Variants in PIK3R6 observed in about 807,000 individuals in gnomAD.
PIK3R6 encodes phosphoinositide 3-kinase regulatory subunit 6.
A neutral mutation model predicts 84.9 loss-of-function variants in PIK3R6; 91 were observed. The observed-to-expected ratio is 1.07, with a 90% CI of 0.90 to 1.28. The LOEUF is 1.28. Among genes scored for constraint, PIK3R6 ranks in the 50% most tolerant of loss-of-function variants. The pLI, the probability that PIK3R6 is intolerant of heterozygous loss-of-function variation, is 0.00. For synonymous variants in PIK3R6, 416 were observed against 411.4 expected (o/e 1.01, Z -0.13); for missense variants, 996 against 985.1 (o/e 1.01, Z -0.15).
At position 8,838,648 on chromosome 17, in the gene PIK3R6, C is replaced by T. The variant is rs756124446; in HGVS notation, c.105G>A (p.Trp35Ter). The T allele has an allele frequency of 9.3e-5, 149 of 1,600,092 alleles. No homozygotes were observed. The highest frequency in any genetic ancestry group is 2.6e-4 in the Admixed American group (15 of 58,016). The change falls in exon 4 of 20, where the codon TGG becomes TGA. Residue 35 changes from tryptophan (W) to a stop codon, truncating the protein, a stop_gained. Coordinates refer to ENST00000619866, the MANE Select transcript of PIK3R6 (RefSeq NM_001010855.4). LOFTEE classifies it high-confidence loss of function. ...CGACCTTCTTGTGCAGGGACCACCT[C>T]CACATGCCTGGGCCAGGAGAAAGGG... is the stretch of plus-strand genomic sequence containing the variant. ...APALQSNQGM[W>*]RWSLHKKVER...
In PIK3R6 at chr17:8,839,270, C is replaced by A. The variant is rs1163020125; in HGVS notation, c.97+344G>T. The stretch of plus-strand genomic sequence containing the variant: ...GGCTGAGGCAGGAGGATCGCTTGAA[C>A]CAGGGAGGCAGAGGTTGTGGTGAGC... On this transcript the variant is annotated intron_variant, in intron 3 of 19. Transcript: ENST00000619866. This position sits in a 1 kb window ranked among gnomAD's most constrained non-coding sequence, Gnocchi z 4.2. 6.6e-6 allele frequency among the ~76,000 whole-genome samples: 1 copy of A among 152,100 alleles called. No homozygotes were observed. Among genetic ancestry groups the A allele is most frequent in the Admixed American group, 6.5e-5 (1 of 15,284 alleles).
rs763083806 is a variant in PIK3R6, at chr17:8,836,824, CG to C, written c.357del (p.Cys119TrpfsTer3). On this transcript the variant is annotated frameshift_variant, in exon 6 of 20. Coordinates refer to ENST00000619866, the MANE Select transcript of PIK3R6 (RefSeq NM_001010855.4). LOFTEE classifies it high-confidence loss of function. ...GCCATCTCCGTTTTCAGCCTTATCG[CG>C]CAGTCCAAGGCGACTGTGCAGTAGG... is the stretch of plus-strand genomic sequence containing the variant. ...PTPYCTVALDCAIRLKTEMAV... is the reference protein window; with the variant it reads ...PTPYCTVALDXAIRLKTEMAV... 1 of 1,603,042 alleles carries C rather than the reference CG, an allele frequency of 6.2e-7. No homozygotes were observed. Among genetic ancestry groups the C allele is most frequent in the East Asian group, 2.2e-5 (1 of 44,564 alleles).
Position 8,828,907 on chromosome 17 carries a change from G to A in PIK3R6, c.973C>T (p.Arg325Trp), listed in dbSNP as rs1483588303. The A allele has an allele frequency of 4.5e-6, 7 of 1,549,182 alleles. No homozygotes were observed. The highest frequency in any genetic ancestry group is 4.1e-5 in the Admixed American group (2 of 49,268). ...DLEVLDLQGL[R>W]PDRELARVSV... ...ACCCGGGCCAACTCCCGGTCCGGCCGGAGGCCCTGCAGATCCAAGACCTCC... is the reference window on the plus strand; with the variant it reads ...ACCCGGGCCAACTCCCGGTCCGGCCAGAGGCCCTGCAGATCCAAGACCTCC... Residue 325 changes from arginine to tryptophan, a missense_variant, in exon 11 of 20, where the codon CGG becomes TGG. Physicochemically the swap from Arg to Trp is moderately radical, Grantham distance 101. Coordinates refer to ENST00000619866, the MANE Select transcript of PIK3R6 (RefSeq NM_001010855.4).
intron 18 of PIK3R6, among the ~76,000 whole-genome samples, chr17:8,809,283 C>T (rs1371870693): frequency 6.6e-6 from 1 of 152,086 alleles, no homozygotes; most frequent in African/African-American, 2.4e-5. Context: ...ACAGGTCCTA[C>T]AAGAAATGCT....
At chr17:8,806,308 T>G (rs2081223679) in intron 18 of PIK3R6, among the ~76,000 whole-genome samples, 1 of 152,214 alleles carries the variant, frequency 6.6e-6, no homozygotes, top group Admixed American at 6.5e-5. Context: ...GCTCTCTGAC[T>G]CTCAACTTGG....
intron 8 of PIK3R6, 41 bp from the exon 9 acceptor site, chr17:8,833,086 G>A (rs1274654703): frequency 2.0e-6 from 3 of 1,508,408 alleles, no homozygotes; most frequent in African/African-American, 2.8e-5. Flanking sequence ...TTGGCCCAGC[G>A]CCCACGCACC....
chr17:8,856,441 A>C (rs1367874757), intron 1 of PIK3R6, among the ~76,000 whole-genome samples: 1 of 152,212 alleles, frequency 6.6e-6, no homozygotes, highest in African/African-American at 2.4e-5. Context: ...GTCTCTAATA[A>C]AAATACAAAA....
intron 2 of PIK3R6, among the ~76,000 whole-genome samples, chr17:8,847,817 T>A (rs2088848400): frequency 6.8e-6 from 1 of 146,274 alleles, no homozygotes; most frequent in African/African-American, 2.5e-5. Context: ...AAAAAAAAAA[T>A]CATAATGTGG....
intron 1 of PIK3R6, among the ~76,000 whole-genome samples, chr17:8,852,649 G>T (rs896980736): frequency 1.3e-5 from 2 of 151,200 alleles, no homozygotes; most frequent in African/African-American, 4.9e-5. Context: ...TGAGGTAGGA[G>T]AATCACTTGA....
At chr17:8,852,107 G>T (rs984009292) in intron 1 of PIK3R6, among the ~76,000 whole-genome samples, 1 of 152,208 alleles carries the variant, frequency 6.6e-6, no homozygotes, top group African/African-American at 2.4e-5. Flanking sequence ...GTATGACAGA[G>T]GTTACCAGGG....
chr17:8,814,636 A>G (rs77640081), intron 18 of PIK3R6, among the ~76,000 whole-genome samples: 4,020 of 152,304 alleles, frequency 0.026, 72 homozygotes, highest in Middle Eastern at 0.048. Flanking sequence ...GAAATGACAA[A>G]GAAGGACAAT....
chr17:8,829,821 A>G, intron 9 of PIK3R6, 29 bp from the exon 10 acceptor site: 1 of 1,535,842 alleles, frequency 6.5e-7, no homozygotes, highest in Non-Finnish European at 8.8e-7. Flanking sequence ...TGTGGAGGCC[A>G]TGGAGGAGGC....
At chr17:8,858,778 G>C (rs1204249694) in intron 1 of PIK3R6, among the ~76,000 whole-genome samples, 1 of 152,234 alleles carries the variant, frequency 6.6e-6, no homozygotes, top group Admixed American at 6.5e-5. Flanking sequence ...AGCACCAGCT[G>C]TGTTCTGCAC....
chr17:8,822,855 A>G (rs927614573), intron 15 of PIK3R6, 141 bp downstream of exon 15: 2 of 958,162 alleles, frequency 2.1e-6, no homozygotes, highest in African/African-American at 3.3e-5. Flanking sequence ...CAGCCTTGGC[A>G]TTCAGCAGAG....
intron 2 of PIK3R6, among the ~76,000 whole-genome samples, chr17:8,848,553 T>G (rs2061426985): frequency 6.6e-6 from 1 of 151,558 alleles, no homozygotes; most frequent in African/African-American, 2.4e-5. Flanking sequence ...CACAATGGTA[T>G]CTGTGTGTCT....
In PIK3R6 at chr17:8,849,989, G is replaced by C. The variant is rs989309841; in HGVS notation, c.-91-104C>G. 4.3e-5 allele frequency: 25 copies of C among 585,480 alleles called. No individual in the cohort carries two copies. In the South Asian group the frequency reaches 4.4e-4, roughly 10 times the overall value. 36.3% of individuals were successfully genotyped at this position (585,480 alleles called of 1,614,324 possible). On this transcript the variant is annotated intron_variant, in intron 1 of 19. Coordinates refer to ENST00000619866, the MANE Select transcript of PIK3R6 (RefSeq NM_001010855.4). The stretch of plus-strand genomic sequence containing the variant: ...AGGGACCTAGGCTTCTAGCACACTG[G>C]GGGGAAGTCTAGATGTATTTAAGAA...
chr17:8,824,415 C>T (rs947488584), intron 13 of PIK3R6, among the ~76,000 whole-genome samples: 4 of 152,198 alleles, frequency 2.6e-5, no homozygotes, highest in African/African-American at 9.7e-5. Flanking sequence ...AGTGTCAGGG[C>T]TAGAAGGAAG....
chr17:8,860,487 C>T (rs1214600382), intron 1 of PIK3R6, among the ~76,000 whole-genome samples: 1 of 150,884 alleles, frequency 6.6e-6, no homozygotes, highest in African/African-American at 2.4e-5. Flanking sequence ...CCCTACCCAC[C>T]CCCAAACCCC....
At position 8,849,870 on chromosome 17, in the gene PIK3R6, C is replaced by A; in HGVS notation, c.-76G>T. 6.4e-7 allele frequency: 1 copy of A among 1,571,648 alleles called. No individual in the cohort carries two copies. Among genetic ancestry groups the A allele is most frequent in the Non-Finnish European group, 8.6e-7 (1 of 1,156,222 alleles). On this transcript the variant is annotated 5_prime_UTR_variant, in exon 2 of 20. Transcript: ENST00000619866. ...AATAGAGAACAAGGTGGTTGCTTTT[C>A]TGCACAGAGGTGGTTCTGCAAAATA...
Sources: allele counts gnomAD v4.1 joint callset (sites outside exome capture counted in the v4.1 genomes callset), GRCh38; gene constraint gnomAD v4.1.1; non-coding constraint Gnocchi (gnomAD v3.1); transcripts MANE v1.5; gene names NCBI Gene and HGNC (gene_info 2026-07-23, HGNC 2026-07-21).